Variants in TBC1D16 observed in about 807,000 individuals in gnomAD.
TBC1D16 encodes the protein TBC1 domain family member 16, also known as CTD-2529O21.1.
TBC1D16 carries 58 observed loss-of-function variants against 74.7 expected under a neutral mutation model. The ratio of observed to expected loss-of-function variants is 0.78; its 90% CI spans 0.63 to 0.97. The LOEUF is 0.97. TBC1D16 is among the 50% of genes least tolerant of loss of function. The pLI is 0.00. For synonymous variants in TBC1D16, 493 were observed against 474.7 expected, an observed-to-expected ratio of 1.04 and a Z score of -0.50; for missense variants, 1,014 against 1,079.5, an observed-to-expected ratio of 0.94 and a Z score of 0.85.
chr17:79,983,548 A>G lies in TBC1D16; in HGVS notation c.779+26612T>C, dbSNP rs1256352286. On this transcript the variant is annotated intron_variant, in intron 3 of 11. Coordinates refer to ENST00000310924, the MANE Select transcript of TBC1D16 (RefSeq NM_019020.4). This position sits in a 1 kb window ranked among gnomAD's most constrained non-coding sequence, Gnocchi z 5.6. ...GCAGCACCTCAGGCACGGGGAGCTG[A>G]GCCACCGACGGCTACAAAGACGGGG... 6.6e-6 allele frequency among the ~76,000 whole-genome samples: 1 copy of G among 152,194 alleles called. No individual in the cohort carries two copies. Among genetic ancestry groups the G allele is most frequent in the Non-Finnish European group, 1.5e-5 (1 of 68,024 alleles).
In TBC1D16 at chr17:80,010,392, G is replaced by A. The variant is rs145362189; in HGVS notation, c.547C>T (p.Pro183Ser). The change falls in exon 3 of 12, where the codon CCC becomes TCC. Residue 183 changes from proline to serine, a missense_variant. By Grantham distance (74) the Pro-to-Ser change is moderately conservative. Coordinates refer to ENST00000310924, the MANE Select transcript of TBC1D16 (RefSeq NM_019020.4). The surrounding 1 kb of genome is among the most constrained non-coding windows in gnomAD (Gnocchi z 8.8). The stretch of plus-strand genomic sequence containing the variant: ...CTGACCGTCGACAAGATCCCGGAGG[G>A]GCTGCAAGCAGGCTGCGAGGCTGGC... ...AQPASQPACS[P>S]SGILSTVSPQ... is the part of the protein sequence containing the mutation. 8 of 1,611,960 alleles carry A rather than the reference G, an allele frequency of 5.0e-6. No individual in the cohort carries two copies. In the African/African-American group the frequency reaches 8.0e-5, roughly 16 times the overall value.
At chr17:79,995,056 T>C (rs1039303831) in intron 3 of TBC1D16, among the ~76,000 whole-genome samples, 22 of 152,138 alleles carry the variant, frequency 1.4e-4, no homozygotes, top group Admixed American at 2.6e-4. Context: ...TCCCAGCACA[T>C]TGGGAGGCCA....
chr17:80,029,265 C>G (rs1047069875), intron 1 of TBC1D16, among the ~76,000 whole-genome samples: 1 of 151,990 alleles, frequency 6.6e-6, no homozygotes, highest in Non-Finnish European at 1.5e-5. Context: ...AAGGTGAAGA[C>G]GTGGGAAACC....
intron 1 of TBC1D16, among the ~76,000 whole-genome samples, chr17:80,026,426 AAAAC>A (rs1002477205): frequency 1.3e-5 from 2 of 149,858 alleles, no homozygotes; most frequent in Non-Finnish European, 2.9e-5. Flanking sequence ...CTCTCTCTCC[AAAAC>A]AAACAAACAT....
intron 3 of TBC1D16, among the ~76,000 whole-genome samples, chr17:79,955,518 T>G (rs780163603): frequency 1.3e-5 from 2 of 152,256 alleles, no homozygotes; most frequent in Non-Finnish European, 2.9e-5. Context: ...TGTTTTATTT[T>G]TGCTTATCTT....
In TBC1D16 at chr17:79,947,631, C is replaced by G. The variant is rs972012853; in HGVS notation, c.1728+14G>C. On this transcript the variant is annotated intron_variant, in intron 9 of 11. Transcript: ENST00000310924. ...TCACATGCCCTTGGACGCACCCATC[C>G]CCCTGAGCCTCACCAGTTGTTTCTC... 2.5e-6 allele frequency: 4 copies of G among 1,613,382 alleles called. No homozygotes were observed. In the South Asian group the frequency reaches 4.4e-5, roughly 18 times the overall value.
At position 79,956,492 on chromosome 17, in the gene TBC1D16, G is replaced by A. The variant is rs577538138; in HGVS notation, c.780-3674C>T. Among the ~76,000 whole-genome samples, 840 of 152,240 alleles carry A rather than the reference G, an allele frequency of 5.5e-3. 3 individuals are homozygous for A. Among genetic ancestry groups the A allele is most frequent in the Non-Finnish European group, 8.2e-3 (559 of 68,004 alleles). On this transcript the variant is annotated intron_variant, in intron 3 of 11. Transcript: ENST00000310924. The surrounding 1 kb of genome is among the most constrained non-coding windows in gnomAD (Gnocchi z 4.0). ...TGGTCTCAAACTCCTGAGCTCAAGC[G>A]ATCTGTCTGCCTTGGCCTCCCAAAG...
In TBC1D16 at chr17:80,001,230, G is replaced by A. The variant is rs2035474187; in HGVS notation, c.779+8930C>T. On this transcript the variant is annotated intron_variant, in intron 3 of 11. Transcript: ENST00000310924. This position sits in a 1 kb window ranked among gnomAD's most constrained non-coding sequence, Gnocchi z 5.8. ...GGCATCGGCCACTCTCTGGGTGCAG[G>A]CGGAGCAGCTGGTGGTGGCCACCTT... Among the ~76,000 whole-genome samples, 5 of 152,232 alleles carry A rather than the reference G, an allele frequency of 3.3e-5. No individual in the cohort carries two copies. The highest frequency in any genetic ancestry group is 7.3e-5 in the Non-Finnish European group (5 of 68,034).
In TBC1D16 at chr17:79,963,216, C is replaced by CA. The variant is rs1244786812; in HGVS notation, c.780-10399dup. Among the ~76,000 whole-genome samples the CA allele has an allele frequency of 4.1e-4, 43 of 105,474 alleles. 1 individual carries two copies. Among genetic ancestry groups the CA allele is most frequent in the African/African-American group, 8.0e-4 (22 of 27,652 alleles). The allele number at this position is 105,474 out of a possible 152,430, so 69.2% of individuals were successfully genotyped here. On this transcript the variant is annotated intron_variant, in intron 3 of 11. Coordinates refer to ENST00000310924, the MANE Select transcript of TBC1D16 (RefSeq NM_019020.4). The stretch of plus-strand genomic sequence containing the variant: ...TGGGTGACAGAGTGGGACTCCATCT[C>CA]AAAAAAAAAAAGCAAAAAAAAAAGC...
chr17:79,951,734 T>A (rs1598337952), intron 4 of TBC1D16, 137 bp from the exon 5 acceptor site: 2 of 1,063,244 alleles, frequency 1.9e-6, no homozygotes, highest in Non-Finnish European at 2.7e-6. Flanking sequence ...AGTTGGCTGC[T>A]AGCGGGAGGG....
Position 79,950,357 on chromosome 17 carries a change from TC to T in TBC1D16, c.1257+53del, listed in dbSNP as rs2032946398. On this transcript the variant is annotated intron_variant, in intron 6 of 11. Coordinates refer to ENST00000310924, the MANE Select transcript of TBC1D16 (RefSeq NM_019020.4). This position sits in a 1 kb window ranked among gnomAD's most constrained non-coding sequence, Gnocchi z 4.6. Reference sequence around the variant, plus strand: ...CCGGCCCTCCTTCCCTCTCGCTCGTTCCCGGTTCCCGGCCGGCTCTCCGCGG... The same window carrying T: ...CCGGCCCTCCTTCCCTCTCGCTCGTTCCGGTTCCCGGCCGGCTCTCCGCGG... 6.5e-7 allele frequency: 1 copy of T among 1,528,474 alleles called. No individual in the cohort carries two copies. Among genetic ancestry groups the T allele is most frequent in the Non-Finnish European group, 8.8e-7 (1 of 1,141,642 alleles). The allele number at this position is 1,528,474 out of a possible 1,614,324, so 94.7% of individuals were successfully genotyped here. A position where few individuals can be genotyped will look rare whatever the true frequency, so the allele number is the denominator to read the frequency against.
intron 4 of TBC1D16, 142 bp downstream of exon 4, chr17:79,952,515 A>C (rs778091930): frequency 9.2e-5 from 98 of 1,065,598 alleles, no homozygotes; most frequent in Non-Finnish European, 1.2e-4. Context: ...AAGATCAGCG[A>C]GGGAGGAAAG....
chr17:80,004,665 G>A (rs536903601), intron 3 of TBC1D16, among the ~76,000 whole-genome samples: 53 of 152,234 alleles, frequency 3.5e-4, no homozygotes, highest in Admixed American at 7.2e-4. Context: ...ATGCAGAAGC[G>A]TTTGTCTTTC....
Position 79,975,421 on chromosome 17 carries a change from C to A in TBC1D16, c.780-22603G>T, listed in dbSNP as rs978040730. Among the ~76,000 whole-genome samples the A allele has an allele frequency of 2.0e-5, 3 of 152,306 alleles. No individual in the cohort carries two copies. Among genetic ancestry groups the A allele is most frequent in the African/African-American group, 7.2e-5 (3 of 41,576 alleles). ...CTGGGAACCCTTGCCTCCTACATGG[C>A]CTACTTAAAAGGCTGCTGAGAGCCA... On this transcript the variant is annotated intron_variant, in intron 3 of 11. Transcript: ENST00000310924. This position sits in a 1 kb window ranked among gnomAD's most constrained non-coding sequence, Gnocchi z 4.5.
chr17:80,007,040 C>G lies in TBC1D16; in HGVS notation c.779+3120G>C, dbSNP rs1230447895. On this transcript the variant is annotated intron_variant, in intron 3 of 11. Coordinates refer to ENST00000310924, the MANE Select transcript of TBC1D16 (RefSeq NM_019020.4). This position sits in a 1 kb window ranked among gnomAD's most constrained non-coding sequence, Gnocchi z 4.5. ...ACAGGCTGTTTTCACTCCAGCCTTGCACTGAAGCACACGCTTCTGGCGGGG... is the reference window on the plus strand; with the variant it reads ...ACAGGCTGTTTTCACTCCAGCCTTGGACTGAAGCACACGCTTCTGGCGGGG... 6.6e-6 allele frequency among the ~76,000 whole-genome samples: 1 copy of G among 152,216 alleles called. No individual in the cohort carries two copies. Among genetic ancestry groups the G allele is most frequent in the Non-Finnish European group, 1.5e-5 (1 of 68,022 alleles).
At chr17:80,006,230 C>T (rs1040646807) in intron 3 of TBC1D16, among the ~76,000 whole-genome samples, 1 of 150,960 alleles carries the variant, frequency 6.6e-6, no homozygotes, top group South Asian at 2.1e-4. Flanking sequence ...CTTTCTTTCT[C>T]TCTCTCTCTC....
intron 3 of TBC1D16, among the ~76,000 whole-genome samples, chr17:80,006,257 C>T (rs2035675899): frequency 6.6e-6 from 1 of 151,272 alleles, no homozygotes; most frequent in Non-Finnish European, 1.5e-5. Context: ...TCAGCCCCTT[C>T]ACAGCAGGGG....
In TBC1D16 at chr17:79,936,336, C is replaced by G. The variant is rs2031584537; in HGVS notation, c.*4523G>C. The stretch of plus-strand genomic sequence containing the variant: ...AAGGGAGAGCTCTCCGTCCTGAGCT[C>G]GCTGCCCCTCACGATGCACACGGCT... On this transcript the variant is annotated 3_prime_UTR_variant, in exon 12 of 12. Transcript: ENST00000310924. 2 of 152,242 alleles carry G rather than the reference C, an allele frequency of 1.3e-5. No individual in the cohort carries two copies. Among genetic ancestry groups the G allele is most frequent in the South Asian group, 4.1e-4 (2 of 4,832 alleles). The allele number at this position is 152,242 out of a possible 1,614,324, so 9.4% of individuals were successfully genotyped here.
Position 79,951,475 on chromosome 17 carries a change from C to T in TBC1D16, c.1064G>A (p.Cys355Tyr). The T allele has an allele frequency of 6.2e-7, 1 of 1,613,692 alleles. No individual in the cohort carries two copies. Among genetic ancestry groups the T allele is most frequent in the Non-Finnish European group, 8.5e-7 (1 of 1,179,864 alleles). Residue 355 changes from cysteine to tyrosine, a missense_variant, in exon 5 of 12, where the codon TGC (cysteine) becomes TAC (tyrosine). Cys to Tyr is a radical substitution (Grantham distance 194, BLOSUM62 -2). Transcript: ENST00000310924. ...LSDVFQQWKY[C>Y]TEMQLKDQQV... ...CTGGTCTTTGAGCTGCATCTCGGTG[C>T]AGTATTTCCACTGCTGGAACACGTC...
Sources: allele counts gnomAD v4.1 joint callset (sites outside exome capture counted in the v4.1 genomes callset), GRCh38; gene constraint gnomAD v4.1.1; non-coding constraint Gnocchi (gnomAD v3.1); transcripts MANE v1.5; gene names NCBI Gene and HGNC (gene_info 2026-07-23, HGNC 2026-07-21).